Variants in NELL1 observed in about 807,000 individuals in gnomAD.
NELL1 encodes protein kinase C-binding protein NELL1.
A neutral mutation model predicts 107.4 loss-of-function variants in NELL1; 76 were observed. The observed-to-expected ratio is 0.71, with a 90% confidence interval of 0.59 to 0.86. NELL1 has a LOEUF of 0.86. Ranked by LOEUF, NELL1 falls within the 40% of genes least tolerant of loss-of-function variation. The pLI, the probability that NELL1 is intolerant of heterozygous loss-of-function variation, is 0.00. For synonymous variants in NELL1, 353 were observed against 341.2 expected (o/e 1.03, Z -0.38); for missense variants, 1,024 against 1,005.5 (o/e 1.02, Z -0.25).
At chr11:21,139,108 G>A (rs915613424) in intron 13 of NELL1, among the ~76,000 whole-genome samples, 11 of 152,194 alleles carry the variant, frequency 7.2e-5, no homozygotes, top group African/African-American at 2.7e-4. Flanking sequence ...AAGAATCAAA[G>A]AGAGCAGGTC....
intron 2 of NELL1, among the ~76,000 whole-genome samples, chr11:20,745,865 CTA>C (rs1855991561): frequency 6.6e-6 from 1 of 152,164 alleles, no homozygotes; most frequent in African/African-American, 2.4e-5. Context: ...AATGGCTGAA[CTA>C]TGAAATATTT....
intron 4 of NELL1, among the ~76,000 whole-genome samples, chr11:20,880,551 T>C (rs1356462237): frequency 6.6e-6 from 1 of 152,226 alleles, no homozygotes; most frequent in East Asian, 1.9e-4. Context: ...ATCCCAAATT[T>C]ATGTTGTTTT....
chr11:21,085,464 C>T (rs1445992521), intron 12 of NELL1, among the ~76,000 whole-genome samples: 1 of 152,090 alleles, frequency 6.6e-6, no homozygotes, highest in Admixed American at 6.6e-5. Context: ...GAGGCCCCAC[C>T]TCTACAGAAA....
At chr11:20,816,798 C>T (rs1389885220) in intron 3 of NELL1, among the ~76,000 whole-genome samples, 1 of 151,978 alleles carries the variant, frequency 6.6e-6, no homozygotes, top group African/African-American at 2.4e-5. Flanking sequence ...GCTCTTATTA[C>T]TTTGATGTAT....
intron 14 of NELL1, among the ~76,000 whole-genome samples, chr11:21,241,450 A>G (rs1026882631): frequency 3.3e-5 from 5 of 152,088 alleles, no homozygotes; most frequent in African/African-American, 1.2e-4. Flanking sequence ...TTACCTTTTA[A>G]TGGCTGTTAT....
At chr11:21,074,779 G>T (rs1854096201) in intron 12 of NELL1, among the ~76,000 whole-genome samples, 1 of 152,018 alleles carries the variant, frequency 6.6e-6, no homozygotes, top group Admixed American at 6.6e-5. Flanking sequence ...ATTCTGATGT[G>T]CAGTCAAGCC....
At chr11:21,014,935 G>A (rs891299204) in intron 12 of NELL1, among the ~76,000 whole-genome samples, 22 of 152,076 alleles carry the variant, frequency 1.4e-4, no homozygotes, top group South Asian at 4.2e-4. Flanking sequence ...TCTTGTTTTC[G>A]TCAGCTGAAC....
intron 12 of NELL1, among the ~76,000 whole-genome samples, chr11:21,012,274 C>A (rs536701172): frequency 1.7e-4 from 26 of 152,248 alleles, no homozygotes; most frequent in Non-Finnish European, 2.9e-4. Flanking sequence ...ACCTTGAGAG[C>A]ATATGTTAGA....
intron 14 of NELL1, among the ~76,000 whole-genome samples, chr11:21,319,518 T>TA (rs1565165685): frequency 1.4e-4 from 16 of 112,918 alleles, no homozygotes; most frequent in South Asian, 5.9e-4. Flanking sequence ...ATATATATAT[T>TA]TTTAGTAGAG....
chr11:20,772,027 T>G (rs1856650270), intron 2 of NELL1, among the ~76,000 whole-genome samples: 1 of 152,220 alleles, frequency 6.6e-6, no homozygotes, highest in Non-Finnish European at 1.5e-5. Flanking sequence ...TTACAGAGCT[T>G]GGCAGTTGAA....
chr11:21,346,815 A>G (rs1261369048), intron 14 of NELL1, among the ~76,000 whole-genome samples: 3 of 152,006 alleles, frequency 2.0e-5, no homozygotes, highest in Non-Finnish European at 4.4e-5. Context: ...TCTCTCACTT[A>G]CTTGAAAAAC....
chr11:21,279,619 A>G (rs1848946389), intron 14 of NELL1, among the ~76,000 whole-genome samples: 1 of 152,218 alleles, frequency 6.6e-6, no homozygotes, highest in Non-Finnish European at 1.5e-5. Context: ...TCAAAAGGTT[A>G]TGAAGCACCA....
At chr11:21,037,765 C>CT (rs1218003399) in intron 12 of NELL1, among the ~76,000 whole-genome samples, 29 of 152,084 alleles carry the variant, frequency 1.9e-4, no homozygotes, top group Admixed American at 1.9e-3. Flanking sequence ...GCAAACTTCC[C>CT]TTAAATTCTT....
At chr11:20,682,146 G>T (rs1426876902) in intron 2 of NELL1, among the ~76,000 whole-genome samples, 1 of 151,754 alleles carries the variant, frequency 6.6e-6, no homozygotes, top group Non-Finnish European at 1.5e-5. Context: ...AGCATTGTTG[G>T]GCATAAATAT....
chr11:21,274,527 C>T (rs993624691), intron 14 of NELL1, among the ~76,000 whole-genome samples: 10 of 152,288 alleles, frequency 6.6e-5, no homozygotes, highest in African/African-American at 2.2e-4. Flanking sequence ...ACGAATTGAA[C>T]TCAGCTCTGC....
chr11:21,236,752 A>T (rs529789932), intron 14 of NELL1, among the ~76,000 whole-genome samples: 1 of 152,116 alleles, frequency 6.6e-6, no homozygotes, highest in Non-Finnish European at 1.5e-5. Flanking sequence ...TTATTCTGCA[A>T]TTATAATATG....
chr11:21,033,618 A>AT (rs148873088), intron 12 of NELL1, among the ~76,000 whole-genome samples: 6,229 of 152,032 alleles, frequency 0.041, 187 homozygotes, highest in Middle Eastern at 0.078. Context: ...TGTACCATAT[A>AT]TTTTTTTAAT....
intron 13 of NELL1, among the ~76,000 whole-genome samples, chr11:21,156,821 G>A (rs61880830): frequency 0.23 from 35,268 of 151,804 alleles, 4,912 homozygotes; most frequent in East Asian, 0.49. Flanking sequence ...GGCCAGATGC[G>A]GTGGCTCATG....
At chr11:21,008,883 G>GAGA (rs1407180376) in intron 12 of NELL1, among the ~76,000 whole-genome samples, 1 of 152,206 alleles carries the variant, frequency 6.6e-6, no homozygotes, top group South Asian at 2.1e-4. Context: ...TAACATGGAG[G>GAGA]AGAAGAAGAA....
Sources: gnomAD v4.1 joint callset for allele counts (sites outside exome capture counted in the v4.1 genomes callset) on GRCh38, gnomAD v4.1.1 for gene constraint, MANE v1.5 for transcripts, NCBI Gene and HGNC (gene_info 2026-07-23, HGNC 2026-07-21) for gene names.